TRPM3: variants seen among roughly 807,000 people sequenced by gnomAD.
The protein encoded by TRPM3 is transient receptor potential cation channel subfamily M member 3.
TRPM3 carries 77 observed loss-of-function variants against 181.2 expected under a neutral mutation model. The observed-to-expected ratio is 0.42, with a 90% CI of 0.35 to 0.51. The LOEUF is 0.51. Ranked by LOEUF, TRPM3 falls within the 20% of genes least tolerant of loss-of-function variation. TRPM3 has a pLI of 0.01. For missense variants in TRPM3, 1,759 were observed against 2,196.7 expected, an observed-to-expected ratio of 0.80 and a Z score of 3.98; for synonymous variants, 745 against 796.4, an observed-to-expected ratio of 0.94 and a Z score of 1.09.
intron 22 of TRPM3, among the ~76,000 whole-genome samples, chr9:70,584,833 G>C (rs192091353): frequency 1.2e-4 from 19 of 152,268 alleles, no homozygotes; most frequent in Non-Finnish European, 2.4e-4. Flanking sequence ...CCTAGTCCCT[G>C]TTCCCTCTCT....
intron 6 of TRPM3, among the ~76,000 whole-genome samples, chr9:70,797,680 T>G (rs575276775): frequency 1.3e-5 from 2 of 152,324 alleles, no homozygotes; most frequent in East Asian, 1.9e-4. Context: ...ATTTTTCCTA[T>G]GCACACCCTT....
intron 22 of TRPM3, among the ~76,000 whole-genome samples, chr9:70,585,302 C>T (rs960985927): frequency 6.6e-6 from 1 of 152,130 alleles, no homozygotes; most frequent in Non-Finnish European, 1.5e-5. Flanking sequence ...ACACCGTTGA[C>T]CACTCAGTAT....
upstream of TRPM3, among the ~76,000 whole-genome samples, chr9:71,122,091 C>T (rs1565246096): frequency 6.6e-6 from 1 of 152,168 alleles, no homozygotes; most frequent in East Asian, 1.9e-4. Context: ...GCATTTGGCT[C>T]ACCTTTTAGA....
intron 22 of TRPM3, among the ~76,000 whole-genome samples, chr9:70,568,630 G>A (rs2051303092): frequency 6.6e-6 from 1 of 152,188 alleles, no homozygotes; most frequent in Non-Finnish European, 1.5e-5. Flanking sequence ...TTTTACAGAT[G>A]AGTAAATTGA....
chr9:70,611,400 T>C (rs1308210520), intron 18 of TRPM3, among the ~76,000 whole-genome samples: 2 of 152,108 alleles, frequency 1.3e-5, no homozygotes, highest in African/African-American at 4.8e-5. Context: ...CTCGTGATAG[T>C]GAGTTCTCAT....
chr9:71,105,965 T>A (rs887933151), intron 1 of TRPM3, among the ~76,000 whole-genome samples: 10 of 152,292 alleles, frequency 6.6e-5, no homozygotes, highest in East Asian at 1.9e-4. Context: ...TGATTTTTTT[T>A]AAATATTATT....
At chr9:70,952,772 T>C (rs1406616804) in intron 1 of TRPM3, among the ~76,000 whole-genome samples, 1 of 152,064 alleles carries the variant, frequency 6.6e-6, no homozygotes, top group Non-Finnish European at 1.5e-5. Context: ...CGAGACTGGA[T>C]AGGTAAGTAG....
In TRPM3 at chr9:70,816,004, A is replaced by T. The variant is rs559273329; in HGVS notation, c.973+11843T>A. Among the ~76,000 whole-genome samples the T allele has an allele frequency of 1.8e-4, 28 of 152,322 alleles. No individual in the cohort carries two copies. The South Asian group carries it at 5.8e-3, about 32-fold the overall frequency. On this transcript the variant is annotated intron_variant, in intron 6 of 25. Coordinates refer to ENST00000677713, the MANE Select transcript of TRPM3 (RefSeq NM_001366145.2). ...CTTGTGGTTTCACTAAATCTGTAAG[A>T]CAACAGATACTCCTAGGCTTTGTTC...
chr9:71,281,779 T>A (rs1482786639), intron 1 of TRPM3, among the ~76,000 whole-genome samples: 1 of 152,172 alleles, frequency 6.6e-6, no homozygotes, highest in East Asian at 1.9e-4. Flanking sequence ...ATGAAAATTG[T>A]GGCCAGGTGC....
chr9:71,207,364 T>A (rs2079187246), intron 1 of TRPM3, among the ~76,000 whole-genome samples: 1 of 152,106 alleles, frequency 6.6e-6, no homozygotes, highest in South Asian at 2.1e-4. Flanking sequence ...TAATTCCTAG[T>A]CATATTTAAC....
intron 1 of TRPM3, chr9:70,917,326 T>G (rs1471651858): frequency 8.1e-7 from 1 of 1,229,464 alleles, no homozygotes; most frequent in African/African-American, 1.5e-5. Context: ...CATGAAATAT[T>G]GCTCCAGAAT....
At chr9:71,152,284 A>G (rs2075776123) in intron 1 of TRPM3, among the ~76,000 whole-genome samples, 2 of 152,270 alleles carry the variant, frequency 1.3e-5, no homozygotes, top group South Asian at 4.2e-4. Flanking sequence ...GAGAGGGTGT[A>G]TGTTATGTAT....
At chr9:71,310,603 T>C (rs569660491) in intron 1 of TRPM3, among the ~76,000 whole-genome samples, 3 of 152,260 alleles carry the variant, frequency 2.0e-5, no homozygotes, top group Admixed American at 6.5e-5. Context: ...AGAGCACATC[T>C]TCTCACCCAA....
intron 1 of TRPM3, among the ~76,000 whole-genome samples, chr9:71,427,754 T>C (rs1487667503): frequency 6.6e-6 from 1 of 152,022 alleles, no homozygotes; most frequent in East Asian, 1.9e-4. Context: ...TGGGGACTAG[T>C]AGAGGGAGGA....
chr9:70,693,704 TGACACGTTCCAGTTGGTA>T (rs1485408555), intron 8 of TRPM3, among the ~76,000 whole-genome samples: 1 of 152,126 alleles, frequency 6.6e-6, no homozygotes, highest in Non-Finnish European at 1.5e-5. Context: ...GTGACAATCT[TGACACGTTCCAGTTGGTA>T]GACCAGATGC....
chr9:71,414,431 A>G (rs1283834461), intron 1 of TRPM3, among the ~76,000 whole-genome samples: 1 of 152,100 alleles, frequency 6.6e-6, no homozygotes, highest in African/African-American at 2.4e-5. Context: ...CAAAGGAAAA[A>G]ATAGATGTGA....
intron 1 of TRPM3, among the ~76,000 whole-genome samples, chr9:70,905,012 C>G (rs1160257981): frequency 1.3e-5 from 2 of 152,172 alleles, no homozygotes; most frequent in Non-Finnish European, 2.9e-5. Context: ...GTTTTGGCAA[C>G]TTTCAAGGGG....
chr9:70,530,598 C>G lies in TRPM3; in HGVS notation c.*5355G>C, dbSNP rs898650563. 6.6e-6 allele frequency: 1 copy of G among 152,222 alleles called. No individual in the cohort carries two copies. 9.4% of individuals were successfully genotyped at this position (152,222 alleles called of 1,614,324 possible). The stretch of plus-strand genomic sequence containing the variant: ...TCTGGATTACCTGGTCACCAAAATC[C>G]TCTCTTAGATGACCTGTAGAAACAG... On this transcript the variant is annotated 3_prime_UTR_variant, in exon 26 of 26. Coordinates refer to ENST00000677713, the MANE Select transcript of TRPM3 (RefSeq NM_001366145.2).
chr9:71,392,371 G>A (rs1293106126), intron 1 of TRPM3, among the ~76,000 whole-genome samples: 3 of 152,060 alleles, frequency 2.0e-5, no homozygotes, highest in Non-Finnish European at 4.4e-5. Flanking sequence ...ATGTGGGTAG[G>A]GAATGGAAGG....
Sources: gnomAD v4.1 joint callset for allele counts (sites outside exome capture counted in the v4.1 genomes callset) on GRCh38, gnomAD v4.1.1 for gene constraint, MANE v1.5 for transcripts, NCBI Gene and HGNC (gene_info 2026-07-23, HGNC 2026-07-21) for gene names.